The following NUBPL variants were observed in gnomAD, a reference collection of about 807,000 sequenced individuals.
NUBPL encodes the protein NUBP iron-sulfur cluster assembly factor, mitochondrial, also known as iron-sulfur cluster transfer protein NUBPL.
Under a neutral mutation model 45.7 loss-of-function variants are expected in NUBPL, and 31 were observed. That is an observed-to-expected ratio of 0.68 (90% CI 0.51 to 0.92). NUBPL has a LOEUF of 0.92. Among genes scored for constraint, NUBPL ranks in the 40% least tolerant of loss-of-function variants. The pLI is 0.00. For synonymous variants in NUBPL, 144 were observed against 140.9 expected, an observed-to-expected ratio of 1.02 and a Z score of -0.15; for missense variants, 401 against 398.7, an observed-to-expected ratio of 1.01 and a Z score of -0.05.
At chr14:31,819,447 T>C (rs1275297528) in intron 7 of NUBPL, among the ~76,000 whole-genome samples, 1 of 152,174 alleles carries the variant, frequency 6.6e-6, no homozygotes, top group Non-Finnish European at 1.5e-5. Flanking sequence ...ACATGTCTAG[T>C]AGGCTCCAGC....
intron 8 of NUBPL, 96 bp downstream of exon 8, chr14:31,826,810 G>A: frequency 8.4e-7 from 1 of 1,195,894 alleles, no homozygotes; most frequent in South Asian, 1.2e-5. Context: ...ATTTAGTCCT[G>A]TACAGAAGTC....
At position 31,826,637 on chromosome 14, in the gene NUBPL, A is replaced by T; in HGVS notation, c.616A>T (p.Ile206Phe). The T allele has an allele frequency of 6.2e-7, 1 of 1,614,056 alleles. No homozygotes were observed. Among genetic ancestry groups the T allele is most frequent in the East Asian group, 2.2e-5 (1 of 44,876 alleles). ...TGTTTATCTTTGGCTAGGTGCTGTG[A>T]TTGTCTCCACGCCCCAGGACATCGC... Reference protein sequence around the residue: ...SQNIPITGAVIVSTPQDIALM... With the variant: ...SQNIPITGAVFVSTPQDIALM... The change falls in exon 8 of 11, where the codon ATT (isoleucine) becomes TTT (phenylalanine). Residue 206 changes from isoleucine (I) to phenylalanine (F), a missense_variant. Coordinates refer to ENST00000281081, the MANE Select transcript of NUBPL (RefSeq NM_025152.3).
At chr14:31,612,041 G>T (rs1342339373) in intron 4 of NUBPL, among the ~76,000 whole-genome samples, 1 of 152,088 alleles carries the variant, frequency 6.6e-6, no homozygotes, top group Non-Finnish European at 1.5e-5. Flanking sequence ...AACAAGCACA[G>T]GCAACCAAAG....
intron 6 of NUBPL, among the ~76,000 whole-genome samples, chr14:31,693,929 C>T (rs192207222): frequency 3.5e-4 from 50 of 141,710 alleles, no homozygotes; most frequent in African/African-American, 1.4e-3. Flanking sequence ...GATCTGGGCT[C>T]ACTGTAAGCT....
rs1211411877 is a variant in NUBPL at position 31,669,797 on chromosome 14, G to GTTTTTTTTTTTTTTTTTTTTTT, written c.383-3547_383-3546insTTTTTTTTTTTTTTTTTTTTTT. On this transcript the variant is annotated intron_variant, in intron 4 of 10. Coordinates refer to ENST00000281081, the MANE Select transcript of NUBPL (RefSeq NM_025152.3). Reference sequence around the variant, plus strand: ...TCTTCCTGCAAAAGACATGATCTTGGTTTTTTTTTTTGTTTTTTTTTTTTT... The same window carrying GTTTTTTTTTTTTTTTTTTTTTT: ...TCTTCCTGCAAAAGACATGATCTTGGTTTTTTTTTTTTTTTTTTTTTTTTTTTTTTTTTGTTTTTTTTTTTTT... 1.0e-4 allele frequency among the ~76,000 whole-genome samples: 7 copies of GTTTTTTTTTTTTTTTTTTTTTT among 68,634 alleles called. 1 individual carries two copies. Among genetic ancestry groups the GTTTTTTTTTTTTTTTTTTTTTT allele is most frequent in the Non-Finnish European group, 1.2e-4 (5 of 40,104 alleles). The allele number at this position is 68,634 out of a possible 152,430, so 45.0% of individuals were successfully genotyped here. A position where few individuals can be genotyped will look rare whatever the true frequency, so the allele number is the denominator to read the frequency against.
chr14:31,811,410 C>A (rs145166871), intron 7 of NUBPL, among the ~76,000 whole-genome samples: 1 of 152,148 alleles, frequency 6.6e-6, no homozygotes, highest in Non-Finnish European at 1.5e-5. Context: ...TTGATCGAAT[C>A]GGCTACTGAA....
At chr14:31,597,943 G>A (rs1039807671) in intron 3 of NUBPL, among the ~76,000 whole-genome samples, 1 of 151,994 alleles carries the variant, frequency 6.6e-6, no homozygotes, top group African/African-American at 2.4e-5. Context: ...TCTTCTGTTT[G>A]TGGTTTAAAA....
At chr14:31,571,467 T>C (rs985329875) in intron 3 of NUBPL, among the ~76,000 whole-genome samples, 1 of 151,340 alleles carries the variant, frequency 6.6e-6, no homozygotes, top group Non-Finnish European at 1.5e-5. Context: ...TCTTCTTCTT[T>C]TTTTTTTTTT....
At chr14:31,705,418 ACTGATTGGTCCATTTTACAGAGAG>A (rs1385113160) in intron 6 of NUBPL, among the ~76,000 whole-genome samples, 2 of 152,022 alleles carry the variant, frequency 1.3e-5, no homozygotes, top group Non-Finnish European at 1.5e-5. Context: ...CCCACATCCT[ACTGATTGGTCCATTTTACAGAGAG>A]CTGATTGGTC....
At chr14:31,746,711 T>A (rs958459869) in intron 6 of NUBPL, among the ~76,000 whole-genome samples, 1 of 151,788 alleles carries the variant, frequency 6.6e-6, no homozygotes, top group Non-Finnish European at 1.5e-5. Context: ...ATAGAATGAG[T>A]TTGGAAGCAT....
chr14:31,755,772 C>T (rs1338186153), intron 6 of NUBPL, among the ~76,000 whole-genome samples: 5 of 151,672 alleles, frequency 3.3e-5, no homozygotes, highest in African/African-American at 9.7e-5. Context: ...AAGTCCTTGC[C>T]CATGCCTATG....
chr14:31,689,402 T>G (rs1270148200), intron 6 of NUBPL, among the ~76,000 whole-genome samples: 10 of 152,248 alleles, frequency 6.6e-5, no homozygotes, highest in Non-Finnish European at 1.3e-4. Context: ...GGTTTTGATT[T>G]GCATTTCCTT....
At chr14:31,733,715 T>A (rs570489049) in intron 6 of NUBPL, among the ~76,000 whole-genome samples, 1 of 152,312 alleles carries the variant, frequency 6.6e-6, no homozygotes, top group South Asian at 2.1e-4. Context: ...TGTAATCATG[T>A]CATCTAGGAA....
At position 31,779,862 on chromosome 14, in the gene NUBPL, C is replaced by T. The variant is rs539523269; in HGVS notation, c.514-7918C>T. On this transcript the variant is annotated intron_variant, in intron 6 of 10. Coordinates refer to ENST00000281081, the MANE Select transcript of NUBPL (RefSeq NM_025152.3). ...ATCTTTTGCAGCTGGGAAGCCAAAC[C>T]GAGGCAGGTTTTTGGAGTTTACTTA... Among the ~76,000 whole-genome samples the T allele has an allele frequency of 3.2e-4, 48 of 152,192 alleles. 1 individual carries two copies. Among genetic ancestry groups the T allele is most frequent in the East Asian group, 1.9e-3 (10 of 5,172 alleles).
chr14:31,853,891 G>A (rs1256461130), intron 10 of NUBPL, among the ~76,000 whole-genome samples: 2 of 152,154 alleles, frequency 1.3e-5, no homozygotes, highest in African/African-American at 4.8e-5. Context: ...GATTAATACT[G>A]TTGATGCAAT....
chr14:31,565,066 G>T lies in NUBPL; in HGVS notation c.291+18G>T. ...ACGATTCGGTAGGTGTTTATTAATA[G>T]AAATATTAATTTATTAAAATGTTTT... On this transcript the variant is annotated intron_variant, in intron 3 of 10. Transcript: ENST00000281081. 1 of 1,440,030 alleles carries T rather than the reference G, an allele frequency of 6.9e-7. No homozygotes were observed. Among genetic ancestry groups the T allele is most frequent in the Non-Finnish European group, 9.7e-7 (1 of 1,034,740 alleles). The allele number at this position is 1,440,030 out of a possible 1,614,324, so 89.2% of individuals were successfully genotyped here. A position where few individuals can be genotyped will look rare whatever the true frequency, so the allele number is the denominator to read the frequency against.
At chr14:31,656,317 G>A (rs1000826179) in intron 4 of NUBPL, among the ~76,000 whole-genome samples, 5 of 152,038 alleles carry the variant, frequency 3.3e-5, no homozygotes, top group Non-Finnish European at 7.4e-5. Flanking sequence ...TTATTTATGT[G>A]TTCATGGGAG....
chr14:31,589,125 T>C (rs1420725665), intron 3 of NUBPL, among the ~76,000 whole-genome samples: 1 of 152,126 alleles, frequency 6.6e-6, no homozygotes, highest in African/African-American at 2.4e-5. Flanking sequence ...AAAAAAGTCA[T>C]ATTGTAATAA....
chr14:31,626,434 C>T (rs765114866), intron 4 of NUBPL, among the ~76,000 whole-genome samples: 1 of 152,244 alleles, frequency 6.6e-6, no homozygotes, highest in Non-Finnish European at 1.5e-5. Context: ...GCCACCGCAC[C>T]TGGCCCACTG....
Sources: gnomAD v4.1 joint callset for allele counts (sites outside exome capture counted in the v4.1 genomes callset) on GRCh38, gnomAD v4.1.1 for gene constraint, MANE v1.5 for transcripts, NCBI Gene and HGNC (gene_info 2026-07-23, HGNC 2026-07-21) for gene names.